Variants in LPIN1 observed in about 807,000 individuals in gnomAD.
LPIN1 encodes lipin 1, also known as phosphatidate phosphatase LPIN1.
A neutral mutation model predicts 107.5 loss-of-function variants in LPIN1; 71 were observed. The observed-to-expected ratio is 0.66, with a 90% CI of 0.55 to 0.80. The LOEUF is 0.80. Ranked by LOEUF, LPIN1 falls within the 30% of genes least tolerant of loss-of-function variation. The pLI is 0.00. For missense variants in LPIN1, 1,043 were observed against 1,160.6 expected, an observed-to-expected ratio of 0.90 and a Z score of 1.47; for synonymous variants, 445 against 452.6, an observed-to-expected ratio of 0.98 and a Z score of 0.21.
intron 3 of LPIN1, among the ~76,000 whole-genome samples, chr2:11,768,604 C>G (rs1671319219): frequency 1.3e-5 from 2 of 152,062 alleles, no homozygotes; most frequent in African/African-American, 4.8e-5. Context: ...TCCATTGTAT[C>G]TATAGACCAT....
chr2:11,760,207 C>T (rs1252165307), intron 1 of LPIN1, among the ~76,000 whole-genome samples: 3 of 150,164 alleles, frequency 2.0e-5, no homozygotes, highest in Non-Finnish European at 4.4e-5. Flanking sequence ...TGGGGGCAGC[C>T]GGGCAGAGGG....
At chr2:11,699,417 C>T (rs114173815) in intron 1 of LPIN1, among the ~76,000 whole-genome samples, 299 of 152,154 alleles carry the variant, frequency 2.0e-3, no homozygotes, top group African/African-American at 6.8e-3. Context: ...CTGATGTCAG[C>T]GGGTATGGGT....
chr2:11,701,498 C>T (rs930825960), intron 1 of LPIN1, among the ~76,000 whole-genome samples: 2 of 152,156 alleles, frequency 1.3e-5, no homozygotes, highest in Middle Eastern at 3.2e-3. Flanking sequence ...CCAGGTGGCA[C>T]ACACAGTAGA....
At chr2:11,737,315 T>C (rs1377329003) in intron 1 of LPIN1, among the ~76,000 whole-genome samples, 1 of 152,124 alleles carries the variant, frequency 6.6e-6, no homozygotes, top group Non-Finnish European at 1.5e-5. Flanking sequence ...ATTCAGGACA[T>C]AGGCATGGGC....
intron 1 of LPIN1, among the ~76,000 whole-genome samples, chr2:11,751,626 G>A (rs1231478608): frequency 1.1e-4 from 16 of 152,246 alleles, no homozygotes; most frequent in Admixed American, 9.8e-4. Context: ...GCCGAGATGG[G>A]TGGATTACGA....
upstream of LPIN1, among the ~76,000 whole-genome samples, chr2:11,743,306 G>C (rs1203638037): frequency 6.6e-6 from 1 of 152,298 alleles, no homozygotes. The surrounding 1 kb of genome is among the most constrained non-coding windows in gnomAD (Gnocchi z 4.7). Context: ...CCGGGTGACC[G>C]TCAAAACCTT....
intron 1 of LPIN1, among the ~76,000 whole-genome samples, chr2:11,692,308 T>A (rs1662314174): frequency 8.3e-6 from 1 of 120,956 alleles, no homozygotes; most frequent in Admixed American, 7.2e-5. Context: ...GGCACATACT[T>A]GGCACATACT....
chr2:11,759,134 TTTC>T (rs2148598590), intron 1 of LPIN1, among the ~76,000 whole-genome samples: 2 of 13,144 alleles, frequency 1.5e-4, no homozygotes, highest in East Asian at 3.8e-3. Context: ...CTTTCTTTCT[TTTC>T]TTTCTTTCTT....
rs547526055 is a variant in LPIN1, at chr2:11,826,163, T to C, written c.*1372T>C. ...TTTAAAGAGTGTTTTACTCCAACGATTGAAACATTTTCCTATTTAAATTTC... is the reference window on the plus strand; with the variant it reads ...TTTAAAGAGTGTTTTACTCCAACGACTGAAACATTTTCCTATTTAAATTTC... On this transcript the variant is annotated 3_prime_UTR_variant, in exon 21 of 21. Transcript: ENST00000674199. 7 of 152,786 alleles carry C rather than the reference T, an allele frequency of 4.6e-5. No individual in the cohort carries two copies. In the South Asian group the frequency reaches 8.3e-4, roughly 18 times the overall value. 9.5% of individuals were successfully genotyped at this position (152,786 alleles called of 1,614,324 possible).
intron 1 of LPIN1, among the ~76,000 whole-genome samples, chr2:11,749,119 G>C (rs534885280): frequency 1.3e-5 from 2 of 152,310 alleles, no homozygotes; most frequent in South Asian, 4.1e-4. Context: ...TTTAAAACTG[G>C]AACGGGGTGT....
At chr2:11,759,132 CTTTTCTTTCTTTCTTT>C (rs1669142309) in intron 1 of LPIN1, among the ~76,000 whole-genome samples, 1 of 121,332 alleles carries the variant, frequency 8.2e-6, no homozygotes, top group Admixed American at 7.8e-5. Context: ...TGCTTTCTTT[CTTTTCTTTCTTTCTTT>C]CTTTCTTTCT....
At chr2:11,743,498 A>G (rs1666574165), upstream of LPIN1, among the ~76,000 whole-genome samples, 1 of 152,100 alleles carries the variant, frequency 6.6e-6, no homozygotes, top group Non-Finnish European at 1.5e-5. This position sits in a 1 kb window ranked among gnomAD's most constrained non-coding sequence, Gnocchi z 4.7. Flanking sequence ...CCACCAAGGT[A>G]GTGAAGCGGC....
intron 19 of LPIN1, 67 bp downstream of exon 19, chr2:11,819,665 A>C: frequency 8.6e-7 from 1 of 1,163,340 alleles, no homozygotes; most frequent in Non-Finnish European, 1.3e-6. Flanking sequence ...TGTCATCTGA[A>C]AGCCCTATCC....
intron 19 of LPIN1, among the ~76,000 whole-genome samples, chr2:11,820,172 G>A (rs1455239632): frequency 6.6e-6 from 1 of 152,184 alleles, no homozygotes; most frequent in Non-Finnish European, 1.5e-5. Flanking sequence ...AGAATTGCGG[G>A]GACGTGGTAG....
intron 17 of LPIN1, among the ~76,000 whole-genome samples, chr2:11,814,151 G>T (rs920614849): frequency 2.0e-5 from 3 of 152,122 alleles, no homozygotes; most frequent in African/African-American, 4.8e-5. Context: ...CTGTGTCTGG[G>T]AAGCGGTGGC....
At chr2:11,804,842 A>G (rs1253294515) in intron 16 of LPIN1, among the ~76,000 whole-genome samples, 3 of 151,944 alleles carry the variant, frequency 2.0e-5, no homozygotes, top group Non-Finnish European at 4.4e-5. Context: ...TTTACCTTTG[A>G]TTGAACAAGC....
chr2:11,763,577 C>T (rs939670128), intron 1 of LPIN1, among the ~76,000 whole-genome samples: 3 of 152,200 alleles, frequency 2.0e-5, no homozygotes, highest in Non-Finnish European at 4.4e-5. Flanking sequence ...GTCTTCCTGC[C>T]GTCAGGTTTT....
chr2:11,767,901 C>T, intron 3 of LPIN1, 43 bp downstream of exon 3: 2 of 1,230,848 alleles, frequency 1.6e-6, no homozygotes, highest in Non-Finnish European at 2.4e-6. Flanking sequence ...TAGTTTTGAG[C>T]TTTGAGTAAT....
At chr2:11,685,873 C>T (rs535409780) in intron 1 of LPIN1, among the ~76,000 whole-genome samples, 20 of 152,274 alleles carry the variant, frequency 1.3e-4, no homozygotes, top group East Asian at 5.8e-4. Flanking sequence ...ACATTCTCCC[C>T]GTGCCTCTGC....
Sources: allele counts gnomAD v4.1 joint callset (sites outside exome capture counted in the v4.1 genomes callset), GRCh38; gene constraint gnomAD v4.1.1; non-coding constraint Gnocchi (gnomAD v3.1); transcripts MANE v1.5; gene names NCBI Gene and HGNC (gene_info 2026-07-23, HGNC 2026-07-21).